Variants in MAF observed in about 807,000 individuals in gnomAD.
MAF encodes the protein MAF bZIP transcription factor.
In MAF, 10 loss-of-function variants were observed where a neutral mutation model predicts 22.0. The ratio of observed to expected loss-of-function variants is 0.45; its 90% CI spans 0.28 to 0.77. The LOEUF (loss-of-function observed/expected upper bound fraction) is 0.77, where lower values mean the gene tolerates loss of function less well. Among genes scored for constraint, MAF ranks in the 30% least tolerant of loss-of-function variants. The pLI is 0.12. For synonymous variants in MAF, 337 were observed against 255.8 expected, an observed-to-expected ratio of 1.32 and a Z score of -3.03; for missense variants, 544 against 548.4, an observed-to-expected ratio of 0.99 and a Z score of 0.08.
the MAF span, among the ~76,000 whole-genome samples, chr16:79,355,683 G>C: frequency 2.0e-5 from 3 of 152,186 alleles, no homozygotes; most frequent in Non-Finnish European, 2.9e-5. Flanking sequence ...TAGTACTCAA[G>C]AGATAGGAAA....
the MAF span, among the ~76,000 whole-genome samples, chr16:79,550,384 C>G: frequency 1.3e-5 from 2 of 151,984 alleles, no homozygotes; most frequent in East Asian, 3.9e-4. Flanking sequence ...AAGACAGAAA[C>G]TCTCAACTCT....
At chr16:79,494,370 G>A in the MAF span, among the ~76,000 whole-genome samples, 11 of 152,278 alleles carry the variant, frequency 7.2e-5, no homozygotes, top group Non-Finnish European at 1.3e-4. Flanking sequence ...GTCAGCAGGA[G>A]TGGCTCTCAC....
At chr16:79,205,002 C>T in the MAF span, 1 of 152,124 alleles carries the variant, frequency 6.6e-6, no homozygotes, top group Non-Finnish European at 1.5e-5. Context: ...ATGGCATGGC[C>T]TTTGTATGAC....
chr16:79,581,153 A>G (rs2143662031), downstream of MAF, among the ~76,000 whole-genome samples: 2 of 152,306 alleles, frequency 1.3e-5, no homozygotes, highest in South Asian at 4.1e-4. Context: ...TAATCACTCC[A>G]TTAAAAAGAG....
the MAF span, among the ~76,000 whole-genome samples, chr16:79,566,921 G>C: frequency 3.3e-4 from 51 of 152,324 alleles, no homozygotes; most frequent in African/African-American, 1.0e-3. Context: ...GACTTGGATA[G>C]AATCTTGAAT....
chr16:79,391,213 C>T, the MAF span, among the ~76,000 whole-genome samples: 1 of 152,132 alleles, frequency 6.6e-6, no homozygotes, highest in Admixed American at 6.5e-5. Flanking sequence ...ACCTCTGCAC[C>T]CTGGTTCCCT....
the MAF span, among the ~76,000 whole-genome samples, chr16:79,564,959 A>G: frequency 6.6e-6 from 1 of 152,142 alleles, no homozygotes; most frequent in South Asian, 2.1e-4. Flanking sequence ...AAAATGTGGT[A>G]CCTCGAACCT....
At chr16:79,595,966 T>A (rs1259983139) in intron 1 of MAF, 5 of 1,061,530 alleles carry the variant, frequency 4.7e-6, no homozygotes, top group Non-Finnish European at 5.7e-6. Context: ...TTGTCATGTT[T>A]ATGTTAAATC....
the MAF span, among the ~76,000 whole-genome samples, chr16:79,547,455 T>C: frequency 6.6e-6 from 1 of 152,062 alleles, no homozygotes; most frequent in Non-Finnish European, 1.5e-5. Context: ...GTATTCTAGG[T>C]CTATACAAGC....
At chr16:79,556,661 T>C in the MAF span, among the ~76,000 whole-genome samples, 1 of 152,236 alleles carries the variant, frequency 6.6e-6, no homozygotes, top group African/African-American at 2.4e-5. Flanking sequence ...AATGTCTCTC[T>C]CTTATTCTTC....
the MAF span, among the ~76,000 whole-genome samples, chr16:79,265,066 T>A: frequency 1.3e-5 from 2 of 152,196 alleles, no homozygotes; most frequent in Non-Finnish European, 2.9e-5. Context: ...TAATTTTTTT[T>A]AACTCTACGA....
chr16:79,245,952 C>A, the MAF span, among the ~76,000 whole-genome samples: 2 of 151,986 alleles, frequency 1.3e-5, no homozygotes, highest in Non-Finnish European at 2.9e-5. Context: ...CAAACTAACA[C>A]AAGAACAGAA....
the MAF span, among the ~76,000 whole-genome samples, chr16:79,554,333 C>A: frequency 6.6e-6 from 1 of 152,138 alleles, no homozygotes; most frequent in Non-Finnish European, 1.5e-5. Flanking sequence ...ATATCCATGT[C>A]TGCTGGTCTC....
chr16:79,274,322 T>C, the MAF span, among the ~76,000 whole-genome samples: 8 of 151,408 alleles, frequency 5.3e-5, no homozygotes, highest in Middle Eastern at 3.4e-3. Flanking sequence ...CTCACAAAGA[T>C]CCATAAACCC....
At chr16:79,300,900 A>G in the MAF span, among the ~76,000 whole-genome samples, 4 of 152,146 alleles carry the variant, frequency 2.6e-5, no homozygotes, top group Non-Finnish European at 5.9e-5. Context: ...ATGTTTTTAT[A>G]CAAACCAAAA....
chr16:79,239,547 A>G, the MAF span, among the ~76,000 whole-genome samples: 16 of 152,156 alleles, frequency 1.1e-4, no homozygotes, highest in Non-Finnish European at 2.2e-4. Context: ...CTTTCCACAG[A>G]TGGCCAGATT....
chr16:79,489,520 A>G, the MAF span, among the ~76,000 whole-genome samples: 1 of 152,240 alleles, frequency 6.6e-6, no homozygotes, highest in Non-Finnish European at 1.5e-5. Flanking sequence ...GGGCAACAGT[A>G]GAGGGAGGAA....
the MAF span, among the ~76,000 whole-genome samples, chr16:79,364,668 T>C: frequency 6.6e-6 from 1 of 152,152 alleles, no homozygotes; most frequent in East Asian, 1.9e-4. Flanking sequence ...CCAGAATCCA[T>C]GTGTATATGT....
At chr16:79,481,435 C>G in the MAF span, among the ~76,000 whole-genome samples, 3 of 152,102 alleles carry the variant, frequency 2.0e-5, no homozygotes, top group Admixed American at 1.3e-4. Flanking sequence ...CCTCCAAACC[C>G]TAGGCCACTA....
Sources: allele counts gnomAD v4.1 joint callset (sites outside exome capture counted in the v4.1 genomes callset), GRCh38; gene constraint gnomAD v4.1.1; transcripts MANE v1.5; gene names NCBI Gene and HGNC (gene_info 2026-07-23, HGNC 2026-07-21).